Variants in GPR158 observed in about 807,000 individuals in gnomAD.
GPR158 encodes the protein metabotropic glycine receptor.
Under a neutral mutation model 78.2 loss-of-function variants are expected in GPR158, and 30 were observed. The ratio of observed to expected loss-of-function variants is 0.38; its 90% CI spans 0.29 to 0.52. The LOEUF (loss-of-function observed/expected upper bound fraction) is 0.52, where lower values mean the gene tolerates loss of function less well. Ranked by LOEUF, GPR158 falls within the 20% of genes least tolerant of loss-of-function variation. GPR158 has a pLI of 0.83. For missense variants in GPR158, 1,463 were observed against 1,523.5 expected, an observed-to-expected ratio of 0.96 and a Z score of 0.66; for synonymous variants, 581 against 591.1, an observed-to-expected ratio of 0.98 and a Z score of 0.25.
At chr10:25,284,036 T>A (rs973668256) in intron 2 of GPR158, among the ~76,000 whole-genome samples, 7 of 152,110 alleles carry the variant, frequency 4.6e-5, no homozygotes, top group African/African-American at 1.4e-4. Context: ...CCCAGAGTAT[T>A]GTCTGTCCTG....
chr10:25,544,468 TA>T (rs940396278), intron 5 of GPR158, among the ~76,000 whole-genome samples: 1 of 152,154 alleles, frequency 6.6e-6, no homozygotes, highest in Non-Finnish European at 1.5e-5. Flanking sequence ...TTTTGGACCC[TA>T]AATATAGGTA....
At position 25,176,971 on chromosome 10, in the gene GPR158, C is replaced by T. The variant is rs967448573; in HGVS notation, c.902+649C>T. Among the ~76,000 whole-genome samples the T allele has an allele frequency of 6.6e-6, 1 of 152,140 alleles. No individual in the cohort carries two copies. The highest frequency in any genetic ancestry group is 6.6e-5 in the Admixed American group (1 of 15,264). On this transcript the variant is annotated intron_variant, in intron 1 of 10. Transcript: ENST00000376351. The surrounding 1 kb of genome is among the most constrained non-coding windows in gnomAD (Gnocchi z 6.3). ...TCAGGGTGCTCCTTCTACCGGTCTC[C>T]CCTCTCCCCGCAATTGATCTTTCCT... is the stretch of plus-strand genomic sequence containing the variant.
chr10:25,593,002 A>G (rs972426457), intron 8 of GPR158, among the ~76,000 whole-genome samples: 7 of 151,502 alleles, frequency 4.6e-5, no homozygotes, highest in Admixed American at 2.6e-4. Context: ...TTGCAGTCAT[A>G]TTCAAGGTAT....
chr10:25,373,336 G>T (rs1416462590), intron 2 of GPR158, among the ~76,000 whole-genome samples: 1 of 151,824 alleles, frequency 6.6e-6, no homozygotes, highest in African/African-American at 2.4e-5. Flanking sequence ...AAAACTGTTC[G>T]GTACTAGGCT....
chr10:25,218,090 A>T (rs1054223579), intron 1 of GPR158, among the ~76,000 whole-genome samples: 8 of 151,950 alleles, frequency 5.3e-5, no homozygotes, highest in African/African-American at 1.9e-4. Flanking sequence ...CAGCGGCAGG[A>T]TGCTCTTCCC....
intron 1 of GPR158, among the ~76,000 whole-genome samples, chr10:25,212,405 G>A (rs2765704): frequency 0.15 from 22,261 of 151,974 alleles, 2,063 homozygotes; most frequent in East Asian, 0.3. Context: ...AGCACTGAGG[G>A]GATGGTGCCA....
In GPR158 at chr10:25,549,250, A is replaced by C. The variant is rs928724935; in HGVS notation, c.1405-1726A>C. ...TCCCCACATACCTCAATCTTCTGTC[A>C]AGGTTTCTCCATTTGTCTTCCCCCT... On this transcript the variant is annotated intron_variant, in intron 5 of 10. Coordinates refer to ENST00000376351, the MANE Select transcript of GPR158 (RefSeq NM_020752.3). 5.3e-5 allele frequency among the ~76,000 whole-genome samples: 8 copies of C among 152,238 alleles called. No homozygotes were observed. The East Asian group carries it at 5.8e-4, about 11-fold the overall frequency.
intron 4 of GPR158, among the ~76,000 whole-genome samples, chr10:25,466,007 G>T (rs1323025140): frequency 6.6e-6 from 1 of 152,142 alleles, no homozygotes; most frequent in African/African-American, 2.4e-5. Flanking sequence ...TCTAGCTGCA[G>T]CCTGATGTTT....
chr10:25,565,247 A>G (rs1274682544), intron 6 of GPR158, among the ~76,000 whole-genome samples: 1 of 152,206 alleles, frequency 6.6e-6, no homozygotes, highest in Non-Finnish European at 1.5e-5. Flanking sequence ...GAAAATAAAC[A>G]TCTCCCAACT....
chr10:25,525,109 T>C (rs958099594), intron 5 of GPR158, among the ~76,000 whole-genome samples: 1 of 151,918 alleles, frequency 6.6e-6, no homozygotes, highest in Non-Finnish European at 1.5e-5. Context: ...ATAAAAAAGA[T>C]AGATAAAAAA....
intron 2 of GPR158, among the ~76,000 whole-genome samples, chr10:25,278,014 A>G (rs1174509629): frequency 6.6e-6 from 1 of 152,194 alleles, no homozygotes; most frequent in Non-Finnish European, 1.5e-5. Flanking sequence ...AACTTCCTTA[A>G]AAAAACCACC....
In GPR158 at chr10:25,176,239, G is replaced by A; in HGVS notation, c.819G>A (p.Glu273=). The change falls in exon 1 of 11, where the codon GAG becomes GAA. Residue 273 remains glutamate, a synonymous_variant. Transcript: ENST00000376351. The surrounding 1 kb of genome is among the most constrained non-coding windows in gnomAD (Gnocchi z 6.3). ...GGTCTCCGCCTTATCTGGAGTGCGA[G>A]AACGGGAGTTACAAGCCCGGGTGGC... ...FKWSPPYLEC[E]NGSYKPGWLV... 1 of 1,607,708 alleles carries A rather than the reference G, an allele frequency of 6.2e-7. No homozygotes were observed. Among genetic ancestry groups the A allele is most frequent in the Non-Finnish European group, 8.5e-7 (1 of 1,177,976 alleles).
At chr10:25,363,969 G>A (rs755430761) in intron 2 of GPR158, among the ~76,000 whole-genome samples, 2 of 151,910 alleles carry the variant, frequency 1.3e-5, no homozygotes, top group Non-Finnish European at 1.5e-5. Context: ...ATAATTAATC[G>A]CATCTACTCA....
intron 2 of GPR158, among the ~76,000 whole-genome samples, chr10:25,340,135 C>T (rs1398988705): frequency 6.6e-6 from 1 of 152,052 alleles, no homozygotes; most frequent in African/African-American, 2.4e-5. Context: ...GTAGAGTGCT[C>T]ACCTCAGTGA....
intron 2 of GPR158, among the ~76,000 whole-genome samples, chr10:25,332,290 G>T (rs931007666): frequency 1.3e-5 from 2 of 152,186 alleles, no homozygotes; most frequent in South Asian, 4.1e-4. Flanking sequence ...CTTTGATGAA[G>T]ATAGAAAATA....
chr10:25,599,327 G>A lies in GPR158; in HGVS notation c.*53G>A. 8.0e-7 allele frequency: 1 copy of A among 1,245,630 alleles called. No homozygotes were observed. Among genetic ancestry groups the A allele is most frequent in the Non-Finnish European group, 1.1e-6 (1 of 889,068 alleles). The allele number at this position is 1,245,630 out of a possible 1,614,324, so 77.2% of individuals were successfully genotyped here. A position where few individuals can be genotyped will look rare whatever the true frequency, so the allele number is the denominator to read the frequency against. On this transcript the variant is annotated 3_prime_UTR_variant, in exon 11 of 11. Transcript: ENST00000376351. Reference sequence around the variant, plus strand: ...GGAACCCCGGATTGGATATGAGACAGAAGATATAAGAATCAAATATTCCCA... The same window carrying A: ...GGAACCCCGGATTGGATATGAGACAAAAGATATAAGAATCAAATATTCCCA...
chr10:25,414,426 T>C (rs976399512), intron 4 of GPR158, among the ~76,000 whole-genome samples: 1 of 152,166 alleles, frequency 6.6e-6, no homozygotes, highest in Non-Finnish European at 1.5e-5. Context: ...AATTAAACAT[T>C]ATCTAGTTTT....
intron 2 of GPR158, among the ~76,000 whole-genome samples, chr10:25,230,351 G>C (rs1236480455): frequency 6.6e-6 from 1 of 152,150 alleles, no homozygotes; most frequent in Non-Finnish European, 1.5e-5. Flanking sequence ...AGCCAACATA[G>C]TCTGAGGTTG....
intron 5 of GPR158, chr10:25,475,500 G>A (rs1408634740): frequency 3.3e-5 from 5 of 152,026 alleles, no homozygotes; most frequent in Non-Finnish European, 7.4e-5. Context: ...AAAATACCAG[G>A]GGAAAAGGAG....
Sources: gnomAD v4.1 joint callset for allele counts (sites outside exome capture counted in the v4.1 genomes callset) on GRCh38, gnomAD v4.1.1 for gene constraint, Gnocchi (gnomAD v3.1) non-coding constraint, MANE v1.5 for transcripts, NCBI Gene and HGNC (gene_info 2026-07-23, HGNC 2026-07-21) for gene names.